BMPR1B: variants seen among roughly 807,000 people sequenced by gnomAD.
BMPR1B encodes the protein bone morphogenetic protein receptor type 1B, also known as bone morphogenetic protein receptor type-1B.
Under a neutral mutation model 59.1 loss-of-function variants are expected in BMPR1B, and 12 were observed. The observed-to-expected ratio is 0.20, with a 90% CI of 0.13 to 0.33. The LOEUF (loss-of-function observed/expected upper bound fraction) is 0.33, where lower values mean the gene tolerates loss of function less well. BMPR1B is among the 10% of genes least tolerant of loss of function. The probability of loss-of-function intolerance (pLI) is 1.00; values close to 1 mark genes in which losing one functional copy is unlikely to be tolerated. For missense variants in BMPR1B, 550 were observed against 610.9 expected (o/e 0.90, Z 1.05); for synonymous variants, 237 against 207.3 (o/e 1.14, Z -1.23).
intron 1 of BMPR1B, among the ~76,000 whole-genome samples, chr4:94,809,068 T>C (rs772625374): frequency 7.2e-5 from 11 of 152,094 alleles, no homozygotes; most frequent in Non-Finnish European, 1.6e-4. Flanking sequence ...AAAAAGATAA[T>C]AATAATTGTA....
At chr4:95,022,008 C>T (rs951604955) in intron 3 of BMPR1B, among the ~76,000 whole-genome samples, 4 of 152,054 alleles carry the variant, frequency 2.6e-5, no homozygotes, top group African/African-American at 7.2e-5. Flanking sequence ...AAAACAATAC[C>T]ATTTTGTTTA....
At chr4:95,149,039 TTATTTC>T in intron 11 of BMPR1B, 116 bp downstream of exon 11, 1 of 1,358,616 alleles carries the variant, frequency 7.4e-7, no homozygotes, top group Non-Finnish European at 1.0e-6. Context: ...ATTTTCCCCT[TTATTTC>T]TGTTGATGCA....
intron 10 of BMPR1B, among the ~76,000 whole-genome samples, chr4:95,142,898 C>T (rs1734350620): frequency 6.6e-6 from 1 of 150,630 alleles, no homozygotes; most frequent in African/African-American, 2.4e-5. Flanking sequence ...ACATGAAAAA[C>T]ATTTAATATA....
At chr4:95,032,373 C>G (rs1264954946) in intron 3 of BMPR1B, among the ~76,000 whole-genome samples, 2 of 152,096 alleles carry the variant, frequency 1.3e-5, no homozygotes, top group African/African-American at 4.8e-5. Flanking sequence ...AGGGTCCTTA[C>G]TCTCATGATG....
intron 1 of BMPR1B, among the ~76,000 whole-genome samples, chr4:94,815,919 T>C (rs535839215): frequency 6.6e-6 from 1 of 152,320 alleles, no homozygotes; most frequent in South Asian, 2.1e-4. Context: ...TTATTACTTT[T>C]GTGTGAATTG....
intron 1 of BMPR1B, among the ~76,000 whole-genome samples, chr4:94,782,750 G>A (rs1381028046): frequency 2.6e-5 from 4 of 151,912 alleles, no homozygotes; most frequent in Non-Finnish European, 5.9e-5. Context: ...CATATTTATA[G>A]TGGCTACTTT....
intron 1 of BMPR1B, among the ~76,000 whole-genome samples, chr4:94,833,282 A>C (rs1417861064): frequency 6.6e-6 from 1 of 152,136 alleles, no homozygotes; most frequent in African/African-American, 2.4e-5. Context: ...CAAAGTGCCT[A>C]CCATAGTCAC....
chr4:95,089,573 T>G (rs1282955976), intron 3 of BMPR1B, among the ~76,000 whole-genome samples: 1 of 152,134 alleles, frequency 6.6e-6, no homozygotes, highest in Non-Finnish European at 1.5e-5. Flanking sequence ...TAAAAGTGCT[T>G]TAGGAGAATG....
chr4:95,147,889 G>A (rs1322356251), intron 10 of BMPR1B, among the ~76,000 whole-genome samples: 7 of 152,108 alleles, frequency 4.6e-5, no homozygotes, highest in African/African-American at 9.7e-5. Flanking sequence ...CCAGCTCATC[G>A]CACTGAAGCA....
intron 1 of BMPR1B, among the ~76,000 whole-genome samples, chr4:94,804,158 G>A (rs1457629458): frequency 1.3e-5 from 2 of 152,148 alleles, no homozygotes; most frequent in African/African-American, 2.4e-5. Context: ...GATTACAGGC[G>A]TGAGCCACCA....
chr4:95,128,924 C>G (rs1169256444), intron 8 of BMPR1B, among the ~76,000 whole-genome samples: 1 of 152,048 alleles, frequency 6.6e-6, no homozygotes, highest in South Asian at 2.1e-4. Flanking sequence ...AATTCATTCT[C>G]TATAATCTTC....
In BMPR1B at chr4:95,148,880, T is replaced by C; in HGVS notation, c.1209T>C (p.Phe403=). The C allele has an allele frequency of 6.2e-7, 1 of 1,614,070 alleles. No individual in the cohort carries two copies. The highest frequency in any genetic ancestry group is 1.1e-5 in the South Asian group (1 of 91,086). Residue 403 remains phenylalanine, a synonymous_variant, in exon 11 of 13, where the codon TTT becomes TTC. Transcript: ENST00000515059. ...QSYIMADMYS[F]GLILWEVARR... ...ACATCATGGCTGACATGTATAGTTT[T>C]GGCCTCATCCTTTGGGAGGTTGCTA...
chr4:95,011,502 C>T (rs1723226555), intron 3 of BMPR1B, among the ~76,000 whole-genome samples: 1 of 152,122 alleles, frequency 6.6e-6, no homozygotes, highest in African/African-American at 2.4e-5. Context: ...GCTGCTGTCG[C>T]TCTAGCTGTC....
At chr4:94,878,297 G>A (rs1230546702) in intron 2 of BMPR1B, among the ~76,000 whole-genome samples, 4 of 152,146 alleles carry the variant, frequency 2.6e-5, no homozygotes, top group Non-Finnish European at 5.9e-5. Context: ...AACAAATTTA[G>A]TTTAAAGATA....
chr4:95,053,297 G>A (rs1209821736), intron 3 of BMPR1B, among the ~76,000 whole-genome samples: 1 of 150,858 alleles, frequency 6.6e-6, no homozygotes, highest in East Asian at 2.0e-4. Context: ...GTGTGTGTGT[G>A]TGTGTGTGTG....
intron 2 of BMPR1B, among the ~76,000 whole-genome samples, chr4:94,881,837 G>A (rs954645992): frequency 6.6e-6 from 1 of 152,030 alleles, no homozygotes; most frequent in African/African-American, 2.4e-5. Context: ...CTCATCTGAT[G>A]GCTAAGCTGC....
intron 2 of BMPR1B, among the ~76,000 whole-genome samples, chr4:94,963,721 G>A (rs1201202450): frequency 6.6e-6 from 1 of 152,014 alleles, no homozygotes; most frequent in African/African-American, 2.4e-5. Flanking sequence ...CCAGTACTAT[G>A]CTTTTTTCAT....
At chr4:95,148,187 C>G (rs1054756154) in intron 10 of BMPR1B, among the ~76,000 whole-genome samples, 1 of 152,094 alleles carries the variant, frequency 6.6e-6, no homozygotes, top group African/African-American at 2.4e-5. Flanking sequence ...GTTTATAGAT[C>G]TAAGAGCTTT....
rs201051241 is a variant in BMPR1B at position 95,056,741 on chromosome 4, G to T, written c.-17-47667G>T. On this transcript the variant is annotated intron_variant, in intron 3 of 12. Transcript: ENST00000515059. ...CAGCTGGCTCCTGACTCATCTTGCA[G>T]CTCATCTCACTGCTTACTGAGCATC... 2.6e-5 allele frequency among the ~76,000 whole-genome samples: 4 copies of T among 152,270 alleles called. No individual in the cohort carries two copies. The East Asian group carries it at 7.7e-4, about 29-fold the overall frequency.
Sources: gnomAD v4.1 joint callset for allele counts (sites outside exome capture counted in the v4.1 genomes callset) on GRCh38, gnomAD v4.1.1 for gene constraint, MANE v1.5 for transcripts, NCBI Gene and HGNC (gene_info 2026-07-23, HGNC 2026-07-21) for gene names.